Variants in PEMT observed in about 807,000 individuals in gnomAD.
PEMT encodes the protein phosphatidylethanolamine N-methyltransferase, also known as phospholipid methyltransferase.
Under a neutral mutation model 27.4 loss-of-function variants are expected in PEMT, and 23 were observed. That is an observed-to-expected ratio of 0.84 (90% CI 0.60 to 1.19). The LOEUF (loss-of-function observed/expected upper bound fraction) is 1.19. PEMT is among the 50% of genes most tolerant of loss of function. PEMT has a pLI of 0.00. For missense variants in PEMT, 307 were observed against 310.1 expected (o/e 0.99, Z 0.07); for synonymous variants, 137 against 139.1 (o/e 0.98, Z 0.11).
intron 2 of PEMT, among the ~76,000 whole-genome samples, chr17:17,535,017 T>A (rs932259898): frequency 3.3e-4 from 50 of 151,892 alleles, no homozygotes; most frequent in Admixed American, 6.6e-4. Context: ...TTCAAGCAAT[T>A]CTCCTGCCTC....
intron 2 of PEMT, among the ~76,000 whole-genome samples, chr17:17,571,540 C>T (rs1911192618): frequency 6.6e-6 from 1 of 152,096 alleles, no homozygotes; most frequent in South Asian, 2.1e-4. Flanking sequence ...AGGGAAGGGA[C>T]GGAGTGGGTG....
intron 2 of PEMT, among the ~76,000 whole-genome samples, chr17:17,558,700 CAAAA>C (rs59107938): frequency 0.36 from 46,295 of 130,166 alleles, 8,985 homozygotes; most frequent in Middle Eastern, 0.48. Context: ...AAAAAAAAAA[CAAAA>C]AGAAAGGGCA....
At chr17:17,568,957 T>TCCAGGCCCAGGAAACC (rs1911014036) in intron 2 of PEMT, among the ~76,000 whole-genome samples, 1 of 151,906 alleles carries the variant, frequency 6.6e-6, no homozygotes, top group Admixed American at 6.6e-5. Context: ...AGGTCAAACA[T>TCCAGGCCCAGGAAACC]CCAGGCCCAG....
At chr17:17,528,308 C>T (rs368354580) in intron 2 of PEMT, among the ~76,000 whole-genome samples, 1 of 152,216 alleles carries the variant, frequency 6.6e-6, no homozygotes, top group East Asian at 1.9e-4. Flanking sequence ...CAGCCAGTGC[C>T]TTCTCACTCC....
At chr17:17,583,910 C>T (rs865956777) in intron 1 of PEMT, among the ~76,000 whole-genome samples, 19 of 152,154 alleles carry the variant, frequency 1.2e-4, no homozygotes, top group African/African-American at 4.6e-4. Context: ...CACAGTAAAA[C>T]GAAATGGCAG....
rs1391113880 is a variant in PEMT, at chr17:17,582,881, G to C, written c.97-5854C>G. Among the ~76,000 whole-genome samples, 3 of 152,096 alleles carry C rather than the reference G, an allele frequency of 2.0e-5. No homozygotes were observed. The highest frequency in any genetic ancestry group is 7.2e-5 in the African/African-American group (3 of 41,422). The stretch of plus-strand genomic sequence containing the variant: ...GTCAGAGATCAGCCTGGCCAATATG[G>C]TGAAACCCCGTTTCTACTAAAAATA... On this transcript the variant is annotated intron_variant, in intron 1 of 6. Transcript: ENST00000255389. The surrounding 1 kb of genome is among the most constrained non-coding windows in gnomAD (Gnocchi z 4.9).
At chr17:17,551,762 C>T (rs780220139) in intron 2 of PEMT, among the ~76,000 whole-genome samples, 2 of 152,178 alleles carry the variant, frequency 1.3e-5, no homozygotes, top group African/African-American at 2.4e-5. Context: ...GCATGAGGGC[C>T]GTGTGTCCCA....
intron 2 of PEMT, among the ~76,000 whole-genome samples, chr17:17,541,677 C>T (rs956932573): frequency 6.6e-6 from 1 of 152,380 alleles, no homozygotes; most frequent in African/African-American, 2.4e-5. Flanking sequence ...ATTTTGATAT[C>T]TGTGCTCCAG....
intron 2 of PEMT, among the ~76,000 whole-genome samples, chr17:17,575,342 C>G (rs551103053): frequency 2.6e-5 from 4 of 152,358 alleles, no homozygotes; most frequent in Admixed American, 1.3e-4. Context: ...CCAGCTCAAG[C>G]TCCTTGACTT....
intron 2 of PEMT, among the ~76,000 whole-genome samples, chr17:17,557,179 C>T (rs180684429): frequency 1.6e-4 from 24 of 152,242 alleles, no homozygotes; most frequent in African/African-American, 5.3e-4. Flanking sequence ...CACCGGCTCC[C>T]GGCCTCTGGG....
intron 2 of PEMT, among the ~76,000 whole-genome samples, chr17:17,544,383 C>T (rs910033829): frequency 5.3e-5 from 8 of 151,266 alleles, no homozygotes; most frequent in Non-Finnish European, 1.0e-4. Flanking sequence ...CGGGTTCAAG[C>T]GATTCTCCTG....
In PEMT at chr17:17,512,450, G is replaced by C; in HGVS notation, c.466+59C>G. 1 of 1,418,702 alleles carries C rather than the reference G, an allele frequency of 7.0e-7. No homozygotes were observed. Among genetic ancestry groups the C allele is most frequent in the Non-Finnish European group, 9.3e-7 (1 of 1,072,002 alleles). 87.9% of individuals were successfully genotyped at this position (1,418,702 alleles called of 1,614,324 possible). Reference sequence around the variant, plus strand: ...AGCAGGGCAGCAGCCACCTGGCCCTGCACCTCCCTGGGGCTCCAGCGGTCC... The same window carrying C: ...AGCAGGGCAGCAGCCACCTGGCCCTCCACCTCCCTGGGGCTCCAGCGGTCC... On this transcript the variant is annotated intron_variant, in intron 4 of 6. Transcript: ENST00000255389. The surrounding 1 kb of genome is among the most constrained non-coding windows in gnomAD (Gnocchi z 6.3).
rs138120882 is a variant in PEMT at position 17,581,497 on chromosome 17, G to C, written c.97-4470C>G. Reference sequence around the variant, plus strand: ...GACAAGGATAAAAGTGAGTGCTTCTGGGTCTTGAAACCCAAGGAAACTGGG... The same window carrying C: ...GACAAGGATAAAAGTGAGTGCTTCTCGGTCTTGAAACCCAAGGAAACTGGG... On this transcript the variant is annotated intron_variant, in intron 1 of 6. Transcript: ENST00000255389. 1.6e-3 allele frequency among the ~76,000 whole-genome samples: 237 copies of C among 152,336 alleles called. No individual in the cohort carries two copies. The Middle Eastern group carries it at 0.017, about 11-fold the overall frequency.
In PEMT at chr17:17,512,799, G is replaced by C. The variant is rs67953560; in HGVS notation, c.321-145C>G. Reference sequence around the variant, plus strand: ...GGGCTGCCAGGCCAGGCAGGCAGCAGGTGGGGTCCAGTCCACCTGGGAGGT... The same window carrying C: ...GGGCTGCCAGGCCAGGCAGGCAGCACGTGGGGTCCAGTCCACCTGGGAGGT... On this transcript the variant is annotated intron_variant, in intron 3 of 6. Transcript: ENST00000255389. The surrounding 1 kb of genome is among the most constrained non-coding windows in gnomAD (Gnocchi z 6.3). 2,717 of 646,970 alleles carry C rather than the reference G, an allele frequency of 4.2e-3. 62 individuals are homozygous for C. The African/African-American group carries it at 0.047, about 11-fold the overall frequency. 40.1% of individuals were successfully genotyped at this position (646,970 alleles called of 1,614,324 possible).
chr17:17,583,778 C>A (rs569592865), intron 1 of PEMT, among the ~76,000 whole-genome samples: 1 of 152,360 alleles, frequency 6.6e-6, no homozygotes, highest in South Asian at 2.1e-4. Context: ...TCTGGAGGGA[C>A]CCTCCTGGGA....
At chr17:17,574,044 T>C (rs1354082410) in intron 2 of PEMT, among the ~76,000 whole-genome samples, 1 of 151,970 alleles carries the variant, frequency 6.6e-6, no homozygotes, top group East Asian at 1.9e-4. Flanking sequence ...GCTTCTGGCA[T>C]CACAGAGCTG....
At chr17:17,551,641 G>A (rs925779557) in intron 2 of PEMT, among the ~76,000 whole-genome samples, 7 of 152,190 alleles carry the variant, frequency 4.6e-5, no homozygotes, top group Admixed American at 2.0e-4. Context: ...GGAGGGGCAC[G>A]GGACAGGCAC....
intron 4 of PEMT, among the ~76,000 whole-genome samples, chr17:17,509,822 C>G (rs1044336970): frequency 2.0e-5 from 3 of 152,294 alleles, no homozygotes; most frequent in South Asian, 4.1e-4. Flanking sequence ...TGCTGGCCTT[C>G]CTCTTCTTCC....
At chr17:17,578,952 A>C (rs1911807134) in intron 1 of PEMT, among the ~76,000 whole-genome samples, 2 of 152,216 alleles carry the variant, frequency 1.3e-5, no homozygotes, top group Admixed American at 1.3e-4. Context: ...AAAAATTAAA[A>C]ACAAAAAATA....
Sources: allele counts gnomAD v4.1 joint callset (sites outside exome capture counted in the v4.1 genomes callset), GRCh38; gene constraint gnomAD v4.1.1; non-coding constraint Gnocchi (gnomAD v3.1); transcripts MANE v1.5; gene names NCBI Gene and HGNC (gene_info 2026-07-23, HGNC 2026-07-21).